SARNP: variants seen among roughly 807,000 people sequenced by gnomAD.
The protein encoded by SARNP is SAP domain containing ribonucleoprotein.
A neutral mutation model predicts 38.1 loss-of-function variants in SARNP; 5 were observed. The observed-to-expected ratio is 0.13, with a 90% confidence interval of 0.07 to 0.28. The LOEUF is 0.28. SARNP is among the 10% of genes least tolerant of loss of function. SARNP has a pLI of 1.00. For synonymous variants in SARNP, 84 were observed against 80.6 expected (o/e 1.04, Z -0.23); for missense variants, 180 against 243.9 (o/e 0.74, Z 1.75).
At chr12:55,766,531 A>G (rs563319510) in intron 9 of SARNP, among the ~76,000 whole-genome samples, 9 of 151,306 alleles carry the variant, frequency 5.9e-5, no homozygotes, top group Non-Finnish European at 1.2e-4. Context: ...TCATTTATAA[A>G]CATGAGAAAC....
intron 9 of SARNP, among the ~76,000 whole-genome samples, chr12:55,780,387 G>A (rs1315983778): frequency 2.0e-5 from 3 of 152,120 alleles, no homozygotes; most frequent in African/African-American, 7.2e-5. Context: ...CTGGGAGGCA[G>A]AGGTTGCAGT....
At chr12:55,805,206 G>C (rs558352052) in intron 1 of SARNP, among the ~76,000 whole-genome samples, 2 of 152,326 alleles carry the variant, frequency 1.3e-5, no homozygotes, top group African/African-American at 2.4e-5. Context: ...AACTTGCAGC[G>C]AGCTGAGATC....
downstream of SARNP, chr12:55,757,132 T>C (rs1878530654): frequency 6.3e-6 from 1 of 159,090 alleles, no homozygotes; most frequent in African/African-American, 2.4e-5. Context: ...AAGGGTAAAC[T>C]CAGTCCTTTT....
intron 10 of SARNP, among the ~76,000 whole-genome samples, chr12:55,758,644 C>CA (rs375098880): frequency 0.021 from 2,974 of 143,220 alleles, 95 homozygotes; most frequent in African/African-American, 0.07. Context: ...GACTCCATCT[C>CA]AAAAAAAAAA....
intron 9 of SARNP, among the ~76,000 whole-genome samples, chr12:55,787,241 TAAAAA>T (rs4016515): frequency 9.7e-6 from 1 of 103,474 alleles, no homozygotes; most frequent in African/African-American, 3.4e-5. Flanking sequence ...CAAAAAAGAC[TAAAAA>T]AAAAAAAAAA....
At chr12:55,759,763 G>A (rs1878620065) in intron 10 of SARNP, among the ~76,000 whole-genome samples, 1 of 150,842 alleles carries the variant, frequency 6.6e-6, no homozygotes, top group African/African-American at 2.4e-5. Context: ...TTTGAGACAG[G>A]GTCTCACTCT....
At chr12:55,762,426 C>A (rs1044016667) in intron 9 of SARNP, among the ~76,000 whole-genome samples, 25 of 151,916 alleles carry the variant, frequency 1.6e-4, no homozygotes, top group African/African-American at 6.0e-4. Flanking sequence ...GCATGTGCCA[C>A]CATGCCCGGC....
chr12:55,792,535 C>CCCT (rs1879702962), intron 7 of SARNP: 1 of 103,196 alleles, frequency 9.7e-6, no homozygotes, highest in Non-Finnish European at 1.9e-5. Flanking sequence ...CCACACCCAG[C>CCCT]TTTTTTTTTT....
At chr12:55,753,350 A>T (rs1878387611), downstream of SARNP, 1 of 152,244 alleles carries the variant, frequency 6.6e-6, no homozygotes, top group South Asian at 2.1e-4. Flanking sequence ...AAGAGTGGCT[A>T]AAATAGCATC....
chr12:55,773,220 G>T (rs1295630057), intron 9 of SARNP, among the ~76,000 whole-genome samples: 2 of 152,170 alleles, frequency 1.3e-5, no homozygotes, highest in Non-Finnish European at 2.9e-5. Flanking sequence ...CTACAGAGCT[G>T]TATTTTTTAA....
At chr12:55,779,548 C>T (rs1175673210) in intron 9 of SARNP, among the ~76,000 whole-genome samples, 1 of 152,156 alleles carries the variant, frequency 6.6e-6, no homozygotes, top group African/African-American at 2.4e-5. Flanking sequence ...AAACTCTTCA[C>T]CATAGCTTAT....
At chr12:55,801,769 C>T (rs181224962) in intron 2 of SARNP, among the ~76,000 whole-genome samples, 73 of 152,210 alleles carry the variant, frequency 4.8e-4, no homozygotes, top group Non-Finnish European at 8.1e-4. Flanking sequence ...AGGTGCACAT[C>T]ACCACACCCA....
intron 9 of SARNP, among the ~76,000 whole-genome samples, chr12:55,775,352 G>A (rs944372847): frequency 3.0e-5 from 4 of 132,534 alleles, no homozygotes; most frequent in African/African-American, 1.1e-4. Context: ...CCAAAGTCAG[G>A]AGTTCGAGAC....
rs777499620 is a variant in SARNP, at chr12:55,757,556, G to A, written c.592-3C>T. The A allele has an allele frequency of 1.9e-6, 3 of 1,607,544 alleles. No homozygotes were observed. The highest frequency in any genetic ancestry group is 2.5e-6 in the Non-Finnish European group (3 of 1,178,194). Reference sequence around the variant, plus strand: ...TCTGCTCTTTTCCTCTTCTTTGCCTGTAAAGAAGAAGCAAGAAGAAAAAAA... The same window carrying A: ...TCTGCTCTTTTCCTCTTCTTTGCCTATAAAGAAGAAGCAAGAAGAAAAAAA... On this transcript the variant is annotated splice_polypyrimidine_tract_variant and splice_region_variant and intron_variant, in intron 10 of 10. Coordinates refer to ENST00000336133, the MANE Select transcript of SARNP (RefSeq NM_033082.4).
Position 55,800,839 on chromosome 12 carries a change from C to G in SARNP, c.183+15G>C, listed in dbSNP as rs758046938. 1 of 1,607,236 alleles carries G rather than the reference C, an allele frequency of 6.2e-7. No individual in the cohort carries two copies. Among genetic ancestry groups the G allele is most frequent in the Non-Finnish European group, 8.5e-7 (1 of 1,173,698 alleles). On this transcript the variant is annotated intron_variant, in intron 3 of 10. Coordinates refer to ENST00000336133, the MANE Select transcript of SARNP (RefSeq NM_033082.4). ...GGCACATTACCAGAGACTAACCTTA[C>G]TCTATCCAACTCACCTCTGTTTCAT...
At chr12:55,761,499 G>A (rs1487843257) in intron 9 of SARNP, 3 of 152,196 alleles carry the variant, frequency 2.0e-5, no homozygotes, top group Admixed American at 1.3e-4. Context: ...TGACAGCCAT[G>A]GTCAACTCTC....
chr12:55,776,515 G>A (rs564945680), intron 9 of SARNP, among the ~76,000 whole-genome samples: 4 of 152,258 alleles, frequency 2.6e-5, no homozygotes, highest in Admixed American at 2.6e-4. Context: ...GAGTACTTAT[G>A]TATAAATAGC....
At chr12:55,808,835 G>A (rs1469877580) in intron 1 of SARNP, among the ~76,000 whole-genome samples, 2 of 128,898 alleles carry the variant, frequency 1.6e-5, no homozygotes, top group Non-Finnish European at 3.2e-5. Flanking sequence ...CTTTTTGCAC[G>A]TATTTCAGCA....
Position 55,772,377 on chromosome 12 carries a change from C to T in SARNP, c.502-11737G>A, listed in dbSNP as rs146112666. Reference sequence around the variant, plus strand: ...CAGGAATTGCATCTCCTCTTATCTTCACAGGATTTGAAGCCCAAGAACACA... The same window carrying T: ...CAGGAATTGCATCTCCTCTTATCTTTACAGGATTTGAAGCCCAAGAACACA... On this transcript the variant is annotated intron_variant, in intron 9 of 10. Coordinates refer to ENST00000336133, the MANE Select transcript of SARNP (RefSeq NM_033082.4). Among the ~76,000 whole-genome samples the T allele has an allele frequency of 2.2e-3, 337 of 152,296 alleles. 1 individual carries two copies. Among genetic ancestry groups the T allele is most frequent in the Middle Eastern group, 6.8e-3 (2 of 294 alleles).
Sources: allele counts gnomAD v4.1 joint callset (sites outside exome capture counted in the v4.1 genomes callset), GRCh38; gene constraint gnomAD v4.1.1; transcripts MANE v1.5; gene names NCBI Gene and HGNC (gene_info 2026-07-23, HGNC 2026-07-21).